The following BLTP1 variants were observed in gnomAD, a reference collection of about 807,000 sequenced individuals.
The protein encoded by BLTP1 is bridge-like lipid transfer protein family member 1.
At chr4:122,245,561 T>C in the BLTP1 span, among the ~76,000 whole-genome samples, 1 of 152,126 alleles carries the variant, frequency 6.6e-6, no homozygotes, top group African/African-American at 2.4e-5. Context: ...GTGAATCAAG[T>C]CACTACTCTC....
the BLTP1 span, chr4:122,152,501 C>CGCCGCCCCT: frequency 8.1e-6 from 8 of 985,656 alleles, no homozygotes; most frequent in Non-Finnish European, 8.4e-6. Flanking sequence ...CTGCTGCCGT[C>CGCCGCCCCT]GCCGCCCCTG....
chr4:122,203,332 A>G, the BLTP1 span, among the ~76,000 whole-genome samples: 2 of 151,926 alleles, frequency 1.3e-5, no homozygotes, highest in African/African-American at 4.8e-5. Flanking sequence ...AAACAAAAGC[A>G]GAAACTGAAG....
At chr4:122,298,687 A>G in the BLTP1 span, 1 of 554,070 alleles carries the variant, frequency 1.8e-6, no homozygotes, top group Non-Finnish European at 2.3e-6. Flanking sequence ...TAATAAAAAG[A>G]TTTAAATGAA....
chr4:122,281,328 A>G, the BLTP1 span: 1 of 974,036 alleles, frequency 1.0e-6, no homozygotes, highest in Non-Finnish European at 1.2e-6. Context: ...TAAGAGTCTC[A>G]TATTGTTATT....
the BLTP1 span, chr4:122,292,593 G>A: frequency 1.1e-6 from 1 of 929,528 alleles, no homozygotes; most frequent in Non-Finnish European, 1.3e-6. Context: ...AATATAACAT[G>A]AAGATTTCGC....
At chr4:122,152,564 G>C in the BLTP1 span, 1 of 985,724 alleles carries the variant, frequency 1.0e-6, no homozygotes, top group Non-Finnish European at 1.2e-6. Flanking sequence ...GGGATTTCGG[G>C]CTGCCTCGGC....
At chr4:122,196,475 G>T in the BLTP1 span, 1 of 176,024 alleles carries the variant, frequency 5.7e-6, no homozygotes, top group Non-Finnish European at 1.1e-5. Flanking sequence ...AGTAATCAAG[G>T]CTCATTGATC....
the BLTP1 span, chr4:122,254,832 A>G: frequency 6.2e-7 from 1 of 1,603,904 alleles, no homozygotes; most frequent in Admixed American, 1.7e-5. Flanking sequence ...GCACTGCAAC[A>G]CCAGCTGTTG....
the BLTP1 span, among the ~76,000 whole-genome samples, chr4:122,257,043 C>T: frequency 2.4e-4 from 36 of 152,090 alleles, no homozygotes; most frequent in Non-Finnish European, 4.3e-4. Context: ...AAAGATGAAA[C>T]GTTGTGCCTA....
At chr4:122,342,545 G>A in the BLTP1 span, among the ~76,000 whole-genome samples, 2 of 151,960 alleles carry the variant, frequency 1.3e-5, no homozygotes, top group African/African-American at 4.8e-5. Flanking sequence ...TAGTAGAGAT[G>A]GGGTTTCACC....
the BLTP1 span, chr4:122,336,018 G>C: frequency 2.0e-5 from 10 of 489,528 alleles, no homozygotes; most frequent in Non-Finnish European, 3.6e-5. Context: ...GTTATTAATC[G>C]CCTCTGTATT....
chr4:122,304,281 G>A, the BLTP1 span, among the ~76,000 whole-genome samples: 2 of 152,076 alleles, frequency 1.3e-5, no homozygotes, highest in African/African-American at 2.4e-5. Context: ...GCATGATCTC[G>A]GCTCACTGCA....
the BLTP1 span, among the ~76,000 whole-genome samples, chr4:122,342,976 G>C: frequency 1.4e-3 from 220 of 152,184 alleles, 1 homozygote; most frequent in Middle Eastern, 3.4e-3. Context: ...TTTACTTTCT[G>C]CTTTTGCATA....
chr4:122,241,214 G>C, the BLTP1 span, among the ~76,000 whole-genome samples: 1 of 152,122 alleles, frequency 6.6e-6, no homozygotes, highest in Non-Finnish European at 1.5e-5. Context: ...GAGGACCTAG[G>C]GGCACTGCAT....
At chr4:122,304,790 T>G in the BLTP1 span, 1 of 1,611,818 alleles carries the variant, frequency 6.2e-7, no homozygotes, top group Non-Finnish European at 8.5e-7. Flanking sequence ...TAACATATAA[T>G]CTGCTAGGGT....
the BLTP1 span, chr4:122,291,965 A>ATTTTT: frequency 1.8e-5 from 3 of 169,440 alleles, no homozygotes; most frequent in Non-Finnish European, 3.3e-5. Context: ...TGCATCAAAC[A>ATTTTT]GTTTTTTTTT....
At chr4:122,229,098 T>C in the BLTP1 span, 1 of 1,558,996 alleles carries the variant, frequency 6.4e-7, no homozygotes, top group Admixed American at 1.9e-5. Context: ...ATGATTTAGA[T>C]GTACAATCCT....
chr4:122,224,737 T>A, the BLTP1 span: 1 of 1,610,458 alleles, frequency 6.2e-7, no homozygotes, highest in Non-Finnish European at 8.5e-7. Context: ...CTACCCACCT[T>A]CTCAAGAATA....
At chr4:122,228,713 T>C in the BLTP1 span, among the ~76,000 whole-genome samples, 7 of 152,098 alleles carry the variant, frequency 4.6e-5, no homozygotes, top group Non-Finnish European at 1.0e-4. Flanking sequence ...TGTGTGTGTG[T>C]GTGTGAAAAT....
Sources: gnomAD v4.1 joint callset for allele counts (sites outside exome capture counted in the v4.1 genomes callset) on GRCh38, gnomAD v4.1.1 for gene constraint, MANE v1.5 for transcripts, NCBI Gene and HGNC (gene_info 2026-07-23, HGNC 2026-07-21) for gene names.